Variants in RPH3AL observed in about 807,000 individuals in gnomAD.
RPH3AL encodes rabphilin 3A like (without C2 domains), also known as rab effector Noc2.
RPH3AL carries 38 observed loss-of-function variants against 43.1 expected under a neutral mutation model. The observed-to-expected ratio is 0.88, with a 90% CI of 0.68 to 1.15. The LOEUF (loss-of-function observed/expected upper bound fraction) is 1.15, where lower values mean the gene tolerates loss of function less well. Ranked by LOEUF, RPH3AL falls within the 50% of genes most tolerant of loss-of-function variation. The probability of loss-of-function intolerance (pLI) is 0.00; values close to 1 mark genes in which losing one functional copy is unlikely to be tolerated. For synonymous variants in RPH3AL, 189 were observed against 176.3 expected, an observed-to-expected ratio of 1.07 and a Z score of -0.57; for missense variants, 462 against 423.2, an observed-to-expected ratio of 1.09 and a Z score of -0.81.
rs570624436 is a variant in RPH3AL, at chr17:290,005, T to C, written c.352-8151A>G. Among the ~76,000 whole-genome samples the C allele has an allele frequency of 1.7e-4, 26 of 152,324 alleles. No homozygotes were observed. Among genetic ancestry groups the C allele is most frequent in the African/African-American group, 6.3e-4 (26 of 41,572 alleles). ...CATCTTCCCAAGGGCAGAGGCCACG[T>C]CTATTTCTGTTCACCCTCCTGCTCC... On this transcript the variant is annotated intron_variant, in intron 5 of 9. Coordinates refer to ENST00000331302, the MANE Select transcript of RPH3AL (RefSeq NM_006987.4). The surrounding 1 kb of genome is among the most constrained non-coding windows in gnomAD (Gnocchi z 4.2).
At chr17:296,196 G>A (rs368414143) in intron 5 of RPH3AL, among the ~76,000 whole-genome samples, 10 of 96,610 alleles carry the variant, frequency 1.0e-4, no homozygotes, top group African/African-American at 2.9e-4. Context: ...AATGCACATC[G>A]GTGTGGGAGG....
intron 5 of RPH3AL, among the ~76,000 whole-genome samples, chr17:304,238 G>T (rs2043405628): frequency 6.6e-6 from 1 of 151,814 alleles, no homozygotes; most frequent in Non-Finnish European, 1.5e-5. Context: ...CGTTTTAAGA[G>T]TTTATCACAT....
intron 6 of RPH3AL, among the ~76,000 whole-genome samples, chr17:258,586 C>T (rs1405763465): frequency 2.0e-5 from 3 of 152,120 alleles, no homozygotes; most frequent in African/African-American, 7.2e-5. Flanking sequence ...CATATCCCAG[C>T]CCCCGGCCCG....
At chr17:272,715 C>A (rs1256043187) in intron 6 of RPH3AL, among the ~76,000 whole-genome samples, 7 of 150,758 alleles carry the variant, frequency 4.6e-5, no homozygotes, top group African/African-American at 1.5e-4. Flanking sequence ...ATGTAACGAA[C>A]CTGCACATTG....
At chr17:331,933 G>A (rs1324546805) in intron 2 of RPH3AL, 3 of 1,224,078 alleles carry the variant, frequency 2.5e-6, no homozygotes, top group South Asian at 1.3e-5. Context: ...TATAGAAGGT[G>A]AGTGGAAAAG....
At chr17:339,140 A>G (rs1251376384) in intron 1 of RPH3AL, 1 of 152,314 alleles carries the variant, frequency 6.6e-6, no homozygotes, top group Admixed American at 6.5e-5. Context: ...TCTTGCTCAC[A>G]GAAACACAAA....
Position 215,833 on chromosome 17 carries a change from T to C in RPH3AL, c.728-31A>G. 1 of 1,303,046 alleles carries C rather than the reference T, an allele frequency of 7.7e-7. No individual in the cohort carries two copies. The allele number at this position is 1,303,046 out of a possible 1,614,324, so 80.7% of individuals were successfully genotyped here. A position where few individuals can be genotyped will look rare whatever the true frequency, so the allele number is the denominator to read the frequency against. On this transcript the variant is annotated intron_variant, in intron 8 of 9. Transcript: ENST00000331302. This position sits in a 1 kb window ranked among gnomAD's most constrained non-coding sequence, Gnocchi z 4.1. ...GGAAATCACGTGTGGGCCCCGTGGA[T>C]CTCAAACCGAGACGGGGTGATCTCA...
chr17:311,346 T>C (rs908251357), intron 5 of RPH3AL, among the ~76,000 whole-genome samples: 4 of 152,210 alleles, frequency 2.6e-5, no homozygotes, highest in South Asian at 4.1e-4. Context: ...AGTTGAGCAC[T>C]TGCCCAGCCC....
At chr17:265,007 A>G (rs928975284) in intron 6 of RPH3AL, among the ~76,000 whole-genome samples, 3 of 152,226 alleles carry the variant, frequency 2.0e-5, no homozygotes, top group Admixed American at 6.5e-5. Context: ...AAAATTCCAG[A>G]TTGTCTCAAT....
chr17:331,327 G>C, intron 2 of RPH3AL: 1 of 314,608 alleles, frequency 3.2e-6, no homozygotes, highest in South Asian at 2.6e-5. Context: ...GAGACGGAAG[G>C]ATGTCGCCTC....
chr17:267,664 G>A (rs1447265645), intron 6 of RPH3AL, among the ~76,000 whole-genome samples: 1 of 152,072 alleles, frequency 6.6e-6, no homozygotes. Context: ...CATTTCCGAC[G>A]GGTCTTGTTC....
chr17:292,271 G>A (rs1420717329), intron 5 of RPH3AL, among the ~76,000 whole-genome samples: 1 of 152,230 alleles, frequency 6.6e-6, no homozygotes, highest in Non-Finnish European at 1.5e-5. Context: ...TGCCCCAGTG[G>A]GCCAGCAGCG....
rs373218551 is a variant in RPH3AL at position 247,173 on chromosome 17, G to A, written c.551C>T (p.Pro184Leu). 34 of 1,613,986 alleles carry A rather than the reference G, an allele frequency of 2.1e-5. 1 individual carries two copies. Among genetic ancestry groups the A allele is most frequent in the East Asian group, 8.9e-5 (4 of 44,876 alleles). ...DPHFRPLPTEPAEREPRSSET... is the reference protein window; with the variant it reads ...DPHFRPLPTELAEREPRSSET... ...AGAGCTTCTGGGCTCTCGCTCTGCC[G>A]GTTCCGTGGGCAAAGGTCGGAAGTG... Residue 184 changes from proline (P) to leucine (L), a missense_variant, in exon 7 of 10, where the codon CCG (proline) becomes CTG (leucine). Transcript: ENST00000331302.
chr17:298,667 T>C (rs951968050), intron 5 of RPH3AL, among the ~76,000 whole-genome samples: 1 of 150,606 alleles, frequency 6.6e-6, no homozygotes, highest in Non-Finnish European at 1.5e-5. Context: ...ATCAGGCCAC[T>C]GCGCTCCAGC....
At chr17:316,414 G>A (rs1399929494) in intron 5 of RPH3AL, among the ~76,000 whole-genome samples, 1 of 142,976 alleles carries the variant, frequency 7.0e-6, no homozygotes, top group African/African-American at 2.7e-5. Context: ...TGTAGTCCCT[G>A]TGACCCCACC....
At chr17:266,317 C>T (rs1327411840) in intron 6 of RPH3AL, among the ~76,000 whole-genome samples, 2 of 151,882 alleles carry the variant, frequency 1.3e-5, no homozygotes, top group Non-Finnish European at 1.5e-5. Flanking sequence ...TGTGCACCTG[C>T]GTGCATGCTG....
At chr17:231,261 A>T (rs756202868) in intron 7 of RPH3AL, among the ~76,000 whole-genome samples, 63 of 152,160 alleles carry the variant, frequency 4.1e-4, no homozygotes, top group Admixed American at 7.2e-4. Context: ...TTGGGCTGGA[A>T]TCTCACTCCC....
intron 7 of RPH3AL, among the ~76,000 whole-genome samples, chr17:237,258 A>G (rs925765485): frequency 6.6e-6 from 1 of 152,262 alleles, no homozygotes; most frequent in Non-Finnish European, 1.5e-5. Flanking sequence ...TCTGTCTAAC[A>G]TCAAGTGAGC....
At chr17:338,187 C>T (rs1054365093) in intron 1 of RPH3AL, among the ~76,000 whole-genome samples, 3 of 152,160 alleles carry the variant, frequency 2.0e-5, no homozygotes, top group East Asian at 3.9e-4. Flanking sequence ...CCAGGCTGGG[C>T]GTGGTGGCTC....
Sources: gnomAD v4.1 joint callset for allele counts (sites outside exome capture counted in the v4.1 genomes callset) on GRCh38, gnomAD v4.1.1 for gene constraint, Gnocchi (gnomAD v3.1) non-coding constraint, MANE v1.5 for transcripts, NCBI Gene and HGNC (gene_info 2026-07-23, HGNC 2026-07-21) for gene names.